SCP2: variants seen among roughly 807,000 people sequenced by gnomAD.
The protein encoded by SCP2 is SCP-2/3-oxoacyl-CoA thiolase.
Under a neutral mutation model 71.4 loss-of-function variants are expected in SCP2, and 48 were observed. That is an observed-to-expected ratio of 0.67 (90% CI 0.53 to 0.86). The LOEUF is 0.86. SCP2 is among the 40% of genes least tolerant of loss of function. The pLI, the probability that SCP2 is intolerant of heterozygous loss-of-function variation, is 0.00. For synonymous variants in SCP2, 220 were observed against 218.1 expected (o/e 1.01, Z -0.08); for missense variants, 560 against 655.6 (o/e 0.85, Z 1.59).
At chr1:52,978,143 A>C in intron 8 of SCP2, 74 bp from the exon 9 acceptor site, 2 of 1,446,164 alleles carry the variant, frequency 1.4e-6, no homozygotes, top group Non-Finnish European at 1.9e-6. Context: ...CCTTTCACAT[A>C]GAAGTAACTC....
intron 4 of SCP2, among the ~76,000 whole-genome samples, chr1:52,952,624 G>A (rs1655416160): frequency 6.6e-6 from 1 of 152,016 alleles, no homozygotes; most frequent in Non-Finnish European, 1.5e-5. Flanking sequence ...CTGCCATAAT[G>A]GGCATGGTGT....
At chr1:52,934,611 T>A (rs940029191) in intron 1 of SCP2, among the ~76,000 whole-genome samples, 3 of 107,800 alleles carry the variant, frequency 2.8e-5, no homozygotes, top group African/African-American at 1.1e-4. Context: ...TTTTTTTTTT[T>A]TTTTTTTTTT....
intron 11 of SCP2, among the ~76,000 whole-genome samples, chr1:53,007,521 A>G (rs1660713135): frequency 6.6e-6 from 1 of 152,360 alleles, no homozygotes. Context: ...CTGCTCCTGA[A>G]TGACTACTGG....
intron 10 of SCP2, among the ~76,000 whole-genome samples, chr1:52,985,040 A>G (rs1303831239): frequency 6.6e-6 from 1 of 150,476 alleles, no homozygotes; most frequent in Admixed American, 6.6e-5. Context: ...ACGGGATTTC[A>G]CCATGTTGGT....
At chr1:52,970,967 G>GTTTT (rs1657419007) in intron 6 of SCP2, among the ~76,000 whole-genome samples, 5 of 123,380 alleles carry the variant, frequency 4.1e-5, no homozygotes, top group Non-Finnish European at 8.1e-5. Context: ...GAGAGACACA[G>GTTTT]ATTTTTTTTT....
intron 1 of SCP2, among the ~76,000 whole-genome samples, chr1:52,937,195 ATAG>A (rs1653820809): frequency 6.6e-6 from 1 of 152,324 alleles, no homozygotes; most frequent in East Asian, 1.9e-4. Flanking sequence ...GAAGAAAGAA[ATAG>A]TAGTATAAGA....
intron 7 of SCP2, among the ~76,000 whole-genome samples, chr1:52,975,150 G>T (rs1657841805): frequency 6.6e-6 from 1 of 151,718 alleles, no homozygotes; most frequent in Non-Finnish European, 1.5e-5. Context: ...CCTAGTAGCT[G>T]GGACTACAGG....
chr1:52,959,893 AT>A (rs762724510), intron 5 of SCP2, among the ~76,000 whole-genome samples: 4,689 of 139,740 alleles, frequency 0.034, 200 homozygotes, highest in African/African-American at 0.11. Context: ...CTGATTTTCA[AT>A]TTTTTTTTTT....
At chr1:52,990,276 A>G (rs1659354010) in intron 11 of SCP2, among the ~76,000 whole-genome samples, 1 of 152,074 alleles carries the variant, frequency 6.6e-6, no homozygotes, top group Non-Finnish European at 1.5e-5. Context: ...AACAAAAAAA[A>G]AGAAAGACAT....
chr1:52,989,394 A>G (rs1325945919), intron 11 of SCP2, among the ~76,000 whole-genome samples: 1 of 152,210 alleles, frequency 6.6e-6, no homozygotes, highest in Non-Finnish European at 1.5e-5. Context: ...AAACAACAAC[A>G]AAGAACATAA....
At chr1:52,995,134 C>A in intron 11 of SCP2, 1 of 496,778 alleles carries the variant, frequency 2.0e-6, no homozygotes, top group East Asian at 5.2e-5. Flanking sequence ...GCAGCTGACC[C>A]ACTCAATGGG....
At chr1:52,987,309 C>T (rs1659087994) in intron 10 of SCP2, among the ~76,000 whole-genome samples, 1 of 151,990 alleles carries the variant, frequency 6.6e-6, no homozygotes, top group African/African-American at 2.4e-5. Context: ...AAGAGCTGAC[C>T]CAGAGTGAGT....
At position 52,993,541 on chromosome 1, in the gene SCP2, C is replaced by T. The variant is rs1041596415; in HGVS notation, c.1081+5405C>T. 8.1e-6 allele frequency: 13 copies of T among 1,612,246 alleles called. No individual in the cohort carries two copies. The South Asian group carries it at 1.4e-4, about 18-fold the overall frequency. ...CTCTATCTGTGACTGAAAAGACCAA[C>T]AGGAAGCCCTCGCCAGTCCTCATAT... On this transcript the variant is annotated intron_variant, in intron 11 of 15. Coordinates refer to ENST00000371514, the MANE Select transcript of SCP2 (RefSeq NM_002979.5).
chr1:52,975,117 C>T lies in SCP2; in HGVS notation c.587+285C>T, dbSNP rs140211570. ...AGGCTGGAGTGCAGTGGCGTGATCT[C>T]GGCTGCCTGCAACCTCTACCTCCCT... On this transcript the variant is annotated intron_variant, in intron 7 of 15. Coordinates refer to ENST00000371514, the MANE Select transcript of SCP2 (RefSeq NM_002979.5). Among the ~76,000 whole-genome samples, 436 of 152,008 alleles carry T rather than the reference C, an allele frequency of 2.9e-3. 4 individuals carry two copies. The highest frequency in any genetic ancestry group is 9.9e-3 in the African/African-American group (410 of 41,444).
At chr1:52,981,366 T>G (rs772477948) in intron 10 of SCP2, among the ~76,000 whole-genome samples, 10 of 152,218 alleles carry the variant, frequency 6.6e-5, no homozygotes, top group Non-Finnish European at 1.5e-4. Flanking sequence ...TGACGTGTGC[T>G]GTAAGTGTGA....
chr1:52,956,902 C>CTTTTT (rs370787153), intron 5 of SCP2, among the ~76,000 whole-genome samples: 10 of 105,900 alleles, frequency 9.4e-5, no homozygotes, highest in South Asian at 3.2e-4. Flanking sequence ...CTCCTTCTGC[C>CTTTTT]TTTTTTTTTT....
intron 10 of SCP2, among the ~76,000 whole-genome samples, chr1:52,987,001 TA>T (rs1222166426): frequency 8.9e-5 from 8 of 89,624 alleles, no homozygotes; most frequent in African/African-American, 4.0e-4. Context: ...TATATATATA[TA>T]TATATTTTTT....
At chr1:52,965,931 C>G (rs1290097678) in intron 6 of SCP2, among the ~76,000 whole-genome samples, 1 of 152,006 alleles carries the variant, frequency 6.6e-6, no homozygotes, top group Admixed American at 6.6e-5. Context: ...CAGGTGTGAG[C>G]CACATACCTG....
At chr1:52,997,051 G>A (rs555083477) in intron 11 of SCP2, among the ~76,000 whole-genome samples, 13 of 152,262 alleles carry the variant, frequency 8.5e-5, no homozygotes, top group African/African-American at 3.1e-4. Flanking sequence ...AAAATGCACA[G>A]TTCTCACAAA....
Sources: allele counts gnomAD v4.1 joint callset (sites outside exome capture counted in the v4.1 genomes callset), GRCh38; gene constraint gnomAD v4.1.1; transcripts MANE v1.5; gene names NCBI Gene and HGNC (gene_info 2026-07-23, HGNC 2026-07-21).